Variants in URB2 observed in about 807,000 individuals in gnomAD.
URB2 encodes the protein unhealthy ribosome biogenesis protein 2 homolog.
URB2 carries 86 observed loss-of-function variants against 120.9 expected under a neutral mutation model. That is an observed-to-expected ratio of 0.71 (90% CI 0.60 to 0.85). URB2 has a LOEUF of 0.85. Among genes scored for constraint, URB2 ranks in the 40% least tolerant of loss-of-function variants. The pLI is 0.00. For missense variants in URB2, 1,765 were observed against 1,836.5 expected, an observed-to-expected ratio of 0.96 and a Z score of 0.71; for synonymous variants, 755 against 758.4, an observed-to-expected ratio of 1.00 and a Z score of 0.07.
intron 5 of URB2, among the ~76,000 whole-genome samples, chr1:229,645,083 C>T (rs1666107419): frequency 6.6e-6 from 1 of 151,966 alleles, no homozygotes. Flanking sequence ...GTCAGGAGTT[C>T]GAAACCACCT....
At chr1:229,655,728 T>C (rs1056242342) in intron 9 of URB2, among the ~76,000 whole-genome samples, 4 of 152,224 alleles carry the variant, frequency 2.6e-5, no homozygotes, top group East Asian at 1.9e-4. Flanking sequence ...TGTATAGATA[T>C]ACATTTATAT....
intron 4 of URB2, among the ~76,000 whole-genome samples, chr1:229,640,431 T>TG (rs1047816194): frequency 6.6e-6 from 1 of 152,150 alleles, no homozygotes; most frequent in African/African-American, 2.4e-5. Flanking sequence ...ATCACAGTTG[T>TG]GGGGGGTCTT....
rs1666187493 is a variant in URB2 at position 229,647,760 on chromosome 1, G to A, written c.4149+8G>A. The A allele has an allele frequency of 6.2e-7, 1 of 1,609,030 alleles. No homozygotes were observed. The highest frequency in any genetic ancestry group is 1.3e-5 in the African/African-American group (1 of 74,852). ...CTGCAGTGTCACCCTAAGGTGAGAA[G>A]GAGGGTGAGAGTGGCAGGCAGCTTT... On this transcript the variant is annotated splice_region_variant and intron_variant, in intron 7 of 9. Coordinates refer to ENST00000258243, the MANE Select transcript of URB2 (RefSeq NM_014777.4).
chr1:229,636,800 G>A lies in URB2; in HGVS notation c.2187G>A (p.Met729Ile). The A allele has an allele frequency of 6.2e-7, 1 of 1,612,454 alleles. No homozygotes were observed. The highest frequency in any genetic ancestry group is 1.3e-5 in the African/African-American group (1 of 74,980). The change falls in exon 4 of 10, where the codon ATG becomes ATA. Residue 729 changes from methionine to isoleucine, a missense_variant. Met to Ile is a conservative substitution (Grantham distance 10). Transcript: ENST00000258243. ...CTTCCTGGGATGGCCAAGTTGGGATGGTGAGTGGACTCACATACCCTGTAG... is the reference window on the plus strand; with the variant it reads ...CTTCCTGGGATGGCCAAGTTGGGATAGTGAGTGGACTCACATACCCTGTAG... ...TTASWDGQVG[M>I]VSGLTYPVAH...
chr1:229,635,612 C>G lies in URB2; in HGVS notation c.999C>G (p.Gly333=). Residue 333 remains glycine, a synonymous_variant, in exon 4 of 10, where the codon GGC becomes GGG. Transcript: ENST00000258243. The stretch of plus-strand genomic sequence containing the variant: ...TCCAGGTTCTCCCCAGGTTGTTTGG[C>G]TGCTTGAAGATTTCACACCTGCAGG... The part of the protein sequence containing the change: ...LCFQVLPRLF[G]CLKISHLQEE... 1 of 1,614,076 alleles carries G rather than the reference C, an allele frequency of 6.2e-7. No individual in the cohort carries two copies. The highest frequency in any genetic ancestry group is 8.5e-7 in the Non-Finnish European group (1 of 1,180,026).
intron 8 of URB2, among the ~76,000 whole-genome samples, chr1:229,652,817 A>G (rs1377046381): frequency 6.6e-6 from 1 of 152,240 alleles, no homozygotes; most frequent in Non-Finnish European, 1.5e-5. Flanking sequence ...ACACTGCCAC[A>G]GGCATGTCCT....
Position 229,636,625 on chromosome 1 carries a change from C to T in URB2, c.2012C>T (p.Thr671Ile), listed in dbSNP as rs753714425. The T allele has an allele frequency of 2.5e-6, 4 of 1,614,198 alleles. No homozygotes were observed. The South Asian group carries it at 3.3e-5, about 13-fold the overall frequency. The change falls in exon 4 of 10, where the codon ACA becomes ATA. Residue 671 changes from threonine (T) to isoleucine (I), a missense_variant. Thr to Ile is a moderately conservative substitution (Grantham distance 89). Coordinates refer to ENST00000258243, the MANE Select transcript of URB2 (RefSeq NM_014777.4). ...ACAGCTCAGTTCAGCTCTCTTGGTA[C>T]ATATTGCTTAGAACAGCTGTACCTG... ...KFTAQFSSLGTYCLEQLYLQK... is the reference protein window; with the variant it reads ...KFTAQFSSLGIYCLEQLYLQK...
At chr1:229,656,244 A>G (rs1164419697) in intron 9 of URB2, among the ~76,000 whole-genome samples, 1 of 152,212 alleles carries the variant, frequency 6.6e-6, no homozygotes, top group African/African-American at 2.4e-5. Flanking sequence ...TTTCTGTCTT[A>G]CTGAATAATA....
chr1:229,635,001 C>G lies in URB2; in HGVS notation c.388C>G (p.Leu130Val). 1 of 1,609,996 alleles carries G rather than the reference C, an allele frequency of 6.2e-7. No homozygotes were observed. The highest frequency in any genetic ancestry group is 8.5e-7 in the Non-Finnish European group (1 of 1,177,220). Residue 130 changes from leucine to valine, a missense_variant, in exon 4 of 10, where the codon CTG (leucine) becomes GTG (valine). By Grantham distance (32) the Leu-to-Val change is conservative (BLOSUM62 1). Coordinates refer to ENST00000258243, the MANE Select transcript of URB2 (RefSeq NM_014777.4). ...CAVLRCCQGI[L>V]STPALAVIYT... ...TGTCCTTCGATGTTGCCAGGGCATCCTGTCGACACCTGCCCTGGCTGTCAT... is the reference window on the plus strand; with the variant it reads ...TGTCCTTCGATGTTGCCAGGGCATCGTGTCGACACCTGCCCTGGCTGTCAT...
In URB2 at chr1:229,635,196, G is replaced by A; in HGVS notation, c.583G>A (p.Gly195Arg). 4 of 1,614,250 alleles carry A rather than the reference G, an allele frequency of 2.5e-6. No individual in the cohort carries two copies. The South Asian group carries it at 4.4e-5, about 18-fold the overall frequency. The change falls in exon 4 of 10, where the codon GGG (glycine) becomes AGG (arginine). Residue 195 changes from glycine to arginine, a missense_variant. Physicochemically the swap from Gly to Arg is moderately radical, Grantham distance 125. Coordinates refer to ENST00000258243, the MANE Select transcript of URB2 (RefSeq NM_014777.4). Reference sequence around the variant, plus strand: ...GCAGGTCAACCCAAGACGTGCCTTTGGGGATGTGACTGCTCACCTGCTCCA... The same window carrying A: ...GCAGGTCAACCCAAGACGTGCCTTTAGGGATGTGACTGCTCACCTGCTCCA... ...QQQVNPRRAF[G>R]DVTAHLLQPC... is the part of the protein sequence containing the mutation.
chr1:229,638,859 T>C (rs1046903742), intron 4 of URB2, among the ~76,000 whole-genome samples: 1 of 152,190 alleles, frequency 6.6e-6, no homozygotes, highest in Non-Finnish European at 1.5e-5. Context: ...TGTGTACGTT[T>C]ATAGTTTTGA....
chr1:229,643,405 A>G, intron 4 of URB2, 128 bp from the exon 5 acceptor site: 1 of 1,050,834 alleles, frequency 9.5e-7, no homozygotes, highest in Non-Finnish European at 1.4e-6. Flanking sequence ...ACCAGTGCTT[A>G]TATCACCATG....
chr1:229,626,868 C>T (rs1665499247), intron 1 of URB2, among the ~76,000 whole-genome samples: 1 of 152,252 alleles, frequency 6.6e-6, no homozygotes, highest in African/African-American at 2.4e-5. Context: ...ACTGACAGCA[C>T]TTGACGTTCT....
chr1:229,642,429 G>A (rs1666032679), intron 4 of URB2, among the ~76,000 whole-genome samples: 1 of 152,194 alleles, frequency 6.6e-6, no homozygotes, highest in South Asian at 2.1e-4. Flanking sequence ...CCTCTCAAAA[G>A]TCCCCTTTCC....
chr1:229,651,820 A>G (rs774468507), intron 8 of URB2, among the ~76,000 whole-genome samples: 4 of 152,376 alleles, frequency 2.6e-5, no homozygotes, highest in South Asian at 4.1e-4. Context: ...TATTATGTGT[A>G]CAATTCATTT....
At chr1:229,644,965 A>G (rs1351936208) in intron 5 of URB2, among the ~76,000 whole-genome samples, 1 of 152,204 alleles carries the variant, frequency 6.6e-6, no homozygotes, top group Non-Finnish European at 1.5e-5. Context: ...ACTAAGTATT[A>G]CATATTCACA....
Position 229,637,401 on chromosome 1 carries a change from G to T in URB2, c.2788G>T (p.Gly930Ter). 1.2e-6 allele frequency: 2 copies of T among 1,614,146 alleles called. No individual in the cohort carries two copies. Among genetic ancestry groups the T allele is most frequent in the Non-Finnish European group, 1.7e-6 (2 of 1,180,026 alleles). Residue 930 changes from glycine (G) to a stop codon, truncating the protein, a stop_gained, in exon 4 of 10, where the codon GGA becomes TGA. Transcript: ENST00000258243. LOFTEE classifies it high-confidence loss of function. ...ACTGTCCATGGCCGTCACCAAACTAGGATGCTCTTGCTCCTCCTCACTGGC... is the reference window on the plus strand; with the variant it reads ...ACTGTCCATGGCCGTCACCAAACTATGATGCTCTTGCTCCTCCTCACTGGC... ...VLLSMAVTKL[G>*]CSCSSSLALK...
At chr1:229,650,832 C>G (rs1666250151) in intron 7 of URB2, 1 of 147,884 alleles carries the variant, frequency 6.8e-6, no homozygotes, top group Non-Finnish European at 1.5e-5. Context: ...TCAACATAAT[C>G]TTTTTTTTTT....
rs1051952853 is a variant in URB2 at position 229,635,806 on chromosome 1, T to A, written c.1193T>A (p.Ile398Lys). ...TACCGCCACGTGGCTGAGCTGCTGA[T>A]AAACCATGCACAAGCACCCATACCG... is the stretch of plus-strand genomic sequence containing the variant. The part of the protein sequence containing the change: ...RFYRHVAELL[I>K]NHAQAPIPAW... Residue 398 changes from isoleucine (I) to lysine (K), a missense_variant, in exon 4 of 10, where the codon ATA becomes AAA. By Grantham distance (102) the Ile-to-Lys change is moderately radical. Coordinates refer to ENST00000258243, the MANE Select transcript of URB2 (RefSeq NM_014777.4). 4 of 1,614,194 alleles carry A rather than the reference T, an allele frequency of 2.5e-6. No homozygotes were observed. The highest frequency in any genetic ancestry group is 3.4e-6 in the Non-Finnish European group (4 of 1,180,024).
Sources: allele counts gnomAD v4.1 joint callset (sites outside exome capture counted in the v4.1 genomes callset), GRCh38; gene constraint gnomAD v4.1.1; transcripts MANE v1.5; gene names NCBI Gene and HGNC (gene_info 2026-07-23, HGNC 2026-07-21).